Variants in TMEM67 observed in about 807,000 individuals in gnomAD.
TMEM67 encodes the protein meckelin.
In TMEM67, 124 loss-of-function variants were observed where a neutral mutation model predicts 136.6. The ratio of observed to expected loss-of-function variants is 0.91; its 90% CI spans 0.78 to 1.05. The LOEUF (loss-of-function observed/expected upper bound fraction) is 1.05. TMEM67 is among the 50% of genes least tolerant of loss of function. The pLI is 0.00. For missense variants in TMEM67, 1,107 were observed against 1,178.4 expected (o/e 0.94, Z 0.89); for synonymous variants, 364 against 390.5 (o/e 0.93, Z 0.80).
intron 23 of TMEM67, among the ~76,000 whole-genome samples, chr8:93,805,603 G>A (rs1014131278): frequency 4.7e-5 from 7 of 148,260 alleles, no homozygotes; most frequent in Admixed American, 6.7e-5. Flanking sequence ...AAAAAAGAAA[G>A]TTGCTAGGGA....
chr8:93,793,608 C>A (rs2041215065), intron 16 of TMEM67, among the ~76,000 whole-genome samples: 1 of 152,136 alleles, frequency 6.6e-6, no homozygotes, highest in African/African-American at 2.4e-5. Flanking sequence ...TTGTTGATTT[C>A]ATTTTCATTT....
the TMEM67 span, among the ~76,000 whole-genome samples, chr8:93,825,890 A>G: frequency 1.3e-5 from 2 of 152,178 alleles, no homozygotes; most frequent in Non-Finnish European, 2.9e-5. Flanking sequence ...TTGGGTGTAC[A>G]CATACAGCCT....
At chr8:93,824,170 T>A (rs569297510), downstream of TMEM67, among the ~76,000 whole-genome samples, 1 of 152,358 alleles carries the variant, frequency 6.6e-6, no homozygotes, top group South Asian at 2.1e-4. Context: ...AGAGCTCTTT[T>A]CCTCTTATGT....
chr8:93,810,037 CA>C, intron 26 of TMEM67, 150 bp downstream of exon 26: 1 of 499,478 alleles, frequency 2.0e-6, no homozygotes, highest in South Asian at 2.4e-5. Flanking sequence ...GGCACGATCT[CA>C]GCTTACTGCA....
Position 93,814,163 on chromosome 8 carries a change from G to A in TMEM67, c.2765-1142G>A, listed in dbSNP as rs184962465. 6.1e-3 allele frequency among the ~76,000 whole-genome samples: 689 copies of A among 112,708 alleles called. 8 individuals are homozygous for A. The highest frequency in any genetic ancestry group is 0.022 in the African/African-American group (654 of 29,552). 73.9% of individuals were successfully genotyped at this position (112,708 alleles called of 152,430 possible). ...TTTTTTTTTTTTTTTTTTTTGAGAC[G>A]TAGTATTGCTCTGTTGCCCAGGCTG... On this transcript the variant is annotated intron_variant, in intron 26 of 27. Coordinates refer to ENST00000453321, the MANE Select transcript of TMEM67 (RefSeq NM_153704.6).
chr8:93,811,083 C>T (rs141789510), intron 26 of TMEM67, among the ~76,000 whole-genome samples: 8 of 152,272 alleles, frequency 5.3e-5, no homozygotes, highest in South Asian at 2.1e-4. Flanking sequence ...GATACACAGA[C>T]GAATGATCCC....
chr8:93,771,451 C>T (rs1813328228), intron 6 of TMEM67, among the ~76,000 whole-genome samples: 1 of 152,106 alleles, frequency 6.6e-6, no homozygotes, highest in Non-Finnish European at 1.5e-5. Context: ...TACCATGTTC[C>T]AGACTCACCT....
intron 23 of TMEM67, among the ~76,000 whole-genome samples, chr8:93,806,954 TAAG>T (rs1815178184): frequency 6.6e-6 from 1 of 152,004 alleles, no homozygotes; most frequent in Admixed American, 6.6e-5. Flanking sequence ...AAGAAATTGA[TAAG>T]AATATTGAAA....
intron 26 of TMEM67, among the ~76,000 whole-genome samples, chr8:93,813,252 C>A (rs1808770027): frequency 6.6e-6 from 1 of 152,006 alleles, no homozygotes; most frequent in Non-Finnish European, 1.5e-5. Context: ...AATCTCGGCT[C>A]ACTGCAACCT....
chr8:93,821,995 T>G (rs1332540853), downstream of TMEM67, among the ~76,000 whole-genome samples: 2 of 151,496 alleles, frequency 1.3e-5, no homozygotes, highest in African/African-American at 4.9e-5. Flanking sequence ...AATTTATATG[T>G]GTAAATTTGG....
intron 26 of TMEM67, among the ~76,000 whole-genome samples, chr8:93,810,674 G>A (rs570655027): frequency 4.6e-5 from 7 of 152,140 alleles, no homozygotes; most frequent in Admixed American, 6.5e-5. Context: ...TTATTATGTC[G>A]TGTAGCAGGA....
chr8:93,782,619 G>C (rs1320090218), intron 11 of TMEM67, among the ~76,000 whole-genome samples, 159 bp downstream of exon 11: 1 of 148,316 alleles, frequency 6.7e-6, no homozygotes. Context: ...TGTTGCCCAG[G>C]CTGGAGTGCA....
intron 7 of TMEM67, among the ~76,000 whole-genome samples, chr8:93,774,040 A>T (rs1813431152): frequency 6.6e-6 from 1 of 150,788 alleles, no homozygotes; most frequent in Non-Finnish European, 1.5e-5. Context: ...TTTTTTTTTG[A>T]GACGGAGCCT....
intron 6 of TMEM67, among the ~76,000 whole-genome samples, chr8:93,768,090 T>A (rs1445163584): frequency 6.6e-6 from 1 of 151,778 alleles, no homozygotes; most frequent in Non-Finnish European, 1.5e-5. Flanking sequence ...GGTCTCGAAC[T>A]CCCCACCTCA....
Position 93,792,232 on chromosome 8 carries a change from C to T in TMEM67, c.1575+913C>T, listed in dbSNP as rs369758376. Among the ~76,000 whole-genome samples, 33 of 151,898 alleles carry T rather than the reference C, an allele frequency of 2.2e-4. No individual in the cohort carries two copies. The East Asian group carries it at 2.3e-3, about 11-fold the overall frequency. On this transcript the variant is annotated intron_variant, in intron 15 of 27. Transcript: ENST00000453321. ...TGTCGCCCAGTCTGGAGTGCAGTGGCGCTATCTCGGCCCACTGCAACCTTC... is the reference window on the plus strand; with the variant it reads ...TGTCGCCCAGTCTGGAGTGCAGTGGTGCTATCTCGGCCCACTGCAACCTTC...
intron 7 of TMEM67, among the ~76,000 whole-genome samples, chr8:93,774,448 C>G (rs879471811): frequency 1.1e-4 from 17 of 152,114 alleles, no homozygotes; most frequent in Non-Finnish European, 2.5e-4. Flanking sequence ...TGCCATGTTG[C>G]TGTGCTGCAC....
chr8:93,796,055 A>T, intron 18 of TMEM67, 68 bp downstream of exon 18: 1 of 1,027,560 alleles, frequency 9.7e-7, no homozygotes, highest in Non-Finnish European at 1.5e-6. Flanking sequence ...CTTTAAAATT[A>T]AAATGCTTTC....
intron 20 of TMEM67, 52 bp from the exon 21 acceptor site, chr8:93,799,549 TGTTTTCAGTCTAGAGTA>T: frequency 6.6e-7 from 1 of 1,521,840 alleles, no homozygotes; most frequent in Non-Finnish European, 9.0e-7. Flanking sequence ...AGAGGTTTTC[TGTTTTCAGTCTAGAGTA>T]GTTTTCTTTA....
chr8:93,772,196 A>G (rs1449796989), intron 6 of TMEM67, among the ~76,000 whole-genome samples: 1 of 152,162 alleles, frequency 6.6e-6, no homozygotes, highest in African/African-American at 2.4e-5. Context: ...GAGATTTGAA[A>G]TTATTTCCCC....
Sources: gnomAD v4.1 joint callset for allele counts (sites outside exome capture counted in the v4.1 genomes callset) on GRCh38, gnomAD v4.1.1 for gene constraint, MANE v1.5 for transcripts, NCBI Gene and HGNC (gene_info 2026-07-23, HGNC 2026-07-21) for gene names.